The following PPP1CB variants were observed in gnomAD, a reference collection of about 807,000 sequenced individuals.
The protein encoded by PPP1CB is protein phosphatase 1 catalytic subunit beta, also known as serine/threonine-protein phosphatase PP1-beta catalytic subunit.
A neutral mutation model predicts 43.7 loss-of-function variants in PPP1CB; 2 were observed. The observed-to-expected ratio is 0.05, with a 90% CI of 0.02 to 0.14. The LOEUF is 0.14. PPP1CB is among the 10% of genes least tolerant of loss of function. PPP1CB has a pLI of 1.00. For missense variants in PPP1CB, 84 were observed against 398.0 expected (o/e 0.21, Z 6.71); for synonymous variants, 136 against 135.6 (o/e 1.00, Z -0.02).
At chr2:28,788,403 A>AT (rs2148056645) in intron 5 of PPP1CB, among the ~76,000 whole-genome samples, 1 of 152,358 alleles carries the variant, frequency 6.6e-6, no homozygotes, top group Admixed American at 6.5e-5. Flanking sequence ...TGTAAGTGCC[A>AT]TGCACATATT....
In PPP1CB at chr2:28,801,911, A is replaced by G. The variant is rs916084565; in HGVS notation, c.*2608A>G. ...AACATGCATTGCTTTAATTTTGCCC[A>G]GGGACAAATTTTAATAATCAGCAAG... On this transcript the variant is annotated 3_prime_UTR_variant, in exon 8 of 8. Transcript: ENST00000395366. 6.6e-6 allele frequency: 1 copy of G among 152,222 alleles called. No individual in the cohort carries two copies. The highest frequency in any genetic ancestry group is 2.4e-5 in the African/African-American group (1 of 41,468). 9.4% of individuals were successfully genotyped at this position (152,222 alleles called of 1,614,324 possible).
At chr2:28,779,992 C>T (rs914224223) in intron 3 of PPP1CB, among the ~76,000 whole-genome samples, 1 of 151,924 alleles carries the variant, frequency 6.6e-6, no homozygotes, top group African/African-American at 2.4e-5. Flanking sequence ...CTAGCTGGGA[C>T]TGTATGTCCT....
At chr2:28,754,744 T>C (rs1666443499) in intron 1 of PPP1CB, among the ~76,000 whole-genome samples, 1 of 152,206 alleles carries the variant, frequency 6.6e-6, no homozygotes, top group South Asian at 2.1e-4. Flanking sequence ...TTCAGTGATA[T>C]TAGATGCTAG....
chr2:28,784,931 A>AAAAG (rs1553311210), intron 5 of PPP1CB, among the ~76,000 whole-genome samples: 19 of 119,376 alleles, frequency 1.6e-4, no homozygotes, highest in African/African-American at 4.6e-4. Flanking sequence ...AAAAAAAAAA[A>AAAAG]AAAGAAAAAA....
At chr2:28,762,280 G>C (rs965590282) in intron 1 of PPP1CB, among the ~76,000 whole-genome samples, 2 of 128,860 alleles carry the variant, frequency 1.6e-5, no homozygotes, top group Admixed American at 7.5e-5. Context: ...GTGAGACTGT[G>C]TCTCTAAATA....
At chr2:28,796,991 G>A (rs866984888) in intron 7 of PPP1CB, among the ~76,000 whole-genome samples, 16 of 152,098 alleles carry the variant, frequency 1.1e-4, no homozygotes, top group Non-Finnish European at 1.0e-4. Flanking sequence ...TAACATGAAA[G>A]GGTGTTGAAT....
At chr2:28,760,543 G>C (rs888733411) in intron 1 of PPP1CB, among the ~76,000 whole-genome samples, 2 of 152,126 alleles carry the variant, frequency 1.3e-5, no homozygotes, top group African/African-American at 4.8e-5. Flanking sequence ...TGTGATGTTT[G>C]CACAACAACA....
At chr2:28,772,002 G>A (rs1207484418) in intron 1 of PPP1CB, among the ~76,000 whole-genome samples, 3 of 151,502 alleles carry the variant, frequency 2.0e-5, no homozygotes, top group Admixed American at 6.6e-5. Flanking sequence ...ATAACCTAAA[G>A]GGTCTATTAG....
At chr2:28,760,952 G>T (rs934119652) in intron 1 of PPP1CB, among the ~76,000 whole-genome samples, 10 of 152,186 alleles carry the variant, frequency 6.6e-5, no homozygotes, top group African/African-American at 2.2e-4. Flanking sequence ...CCAGGCTGGA[G>T]TGCAGTGGTG....
At chr2:28,770,007 A>C (rs1295430002) in intron 1 of PPP1CB, among the ~76,000 whole-genome samples, 1 of 152,104 alleles carries the variant, frequency 6.6e-6, no homozygotes, top group Non-Finnish European at 1.5e-5. Context: ...CGTGGCTCAC[A>C]CCTGTAATCC....
Position 28,752,529 on chromosome 2 carries a change from G to C in PPP1CB, c.52+353G>C, listed in dbSNP as rs181414460. On this transcript the variant is annotated intron_variant, in intron 1 of 7. Transcript: ENST00000395366. ...GCTCGCCTCCGGTGACCCGAGGATG[G>C]GGAGAGGATGCCTGCCACTGGGCTT... Among the ~76,000 whole-genome samples the C allele has an allele frequency of 8.5e-4, 130 of 152,318 alleles. 1 individual carries two copies. Among genetic ancestry groups the C allele is most frequent in the African/African-American group, 2.9e-3 (122 of 41,588 alleles).
intron 6 of PPP1CB, 102 bp from the exon 7 acceptor site, chr2:28,793,761 G>A: frequency 7.8e-7 from 1 of 1,285,762 alleles, no homozygotes; most frequent in Non-Finnish European, 1.1e-6. Context: ...TGGTTTGGGG[G>A]TGAGGTGGGG....
intron 1 of PPP1CB, among the ~76,000 whole-genome samples, chr2:28,765,168 T>TA (rs757720750): frequency 2.6e-5 from 4 of 152,120 alleles, no homozygotes; most frequent in Non-Finnish European, 5.9e-5. Context: ...AAATGTGAAA[T>TA]ATAATGGTTG....
chr2:28,751,999 G>A lies in PPP1CB; in HGVS notation c.-126G>A, dbSNP rs2148449100. 1 of 886,060 alleles carries A rather than the reference G, an allele frequency of 1.1e-6. No individual in the cohort carries two copies. Among genetic ancestry groups the A allele is most frequent in the South Asian group, 1.4e-5 (1 of 70,894 alleles). 54.9% of individuals were successfully genotyped at this position (886,060 alleles called of 1,614,324 possible). ...GTGGGGGGAGGGCCCGGGAAAAGGG[G>A]GAGTTGGAGCCGGGGTCGAAACGCC... On this transcript the variant is annotated 5_prime_UTR_variant, in exon 1 of 8. Transcript: ENST00000395366.
chr2:28,759,911 G>A (rs1365033034), intron 1 of PPP1CB, among the ~76,000 whole-genome samples: 3 of 151,300 alleles, frequency 2.0e-5, no homozygotes, highest in Non-Finnish European at 4.4e-5. Flanking sequence ...GAGTCACTAC[G>A]CAGGGCCCTG....
At chr2:28,764,460 A>C (rs1171887445) in intron 1 of PPP1CB, among the ~76,000 whole-genome samples, 1 of 127,152 alleles carries the variant, frequency 7.9e-6, no homozygotes, top group African/African-American at 3.9e-5. Context: ...ACTCCATCTC[A>C]AAAAAAAAAA....
intron 5 of PPP1CB, among the ~76,000 whole-genome samples, chr2:28,786,470 C>T (rs1322653036): frequency 2.0e-5 from 3 of 152,044 alleles, no homozygotes; most frequent in Non-Finnish European, 4.4e-5. Flanking sequence ...TTGTTGCTAC[C>T]ATTATTTGAT....
rs191475264 is a variant in PPP1CB, at chr2:28,802,058, A to C, written c.*2755A>C. On this transcript the variant is annotated 3_prime_UTR_variant, in exon 8 of 8. Coordinates refer to ENST00000395366, the MANE Select transcript of PPP1CB (RefSeq NM_002709.3). ...AAACATTCGTGAAATGATTTTTTTT[A>C]GCTGAAAAATGCTGGCAAGAAGAAT... The C allele has an allele frequency of 1.1e-4, 17 of 152,250 alleles. No homozygotes were observed. The highest frequency in any genetic ancestry group is 2.2e-4 in the Non-Finnish European group (15 of 67,996). 9.4% of individuals were successfully genotyped at this position (152,250 alleles called of 1,614,324 possible). A position where few individuals can be genotyped will look rare whatever the true frequency, so the allele number is the denominator to read the frequency against.
intron 1 of PPP1CB, among the ~76,000 whole-genome samples, chr2:28,776,037 G>A (rs1667032727): frequency 6.6e-6 from 1 of 151,988 alleles, no homozygotes; most frequent in Admixed American, 6.6e-5. Context: ...GATAGGAGTT[G>A]CTAAAATTTT....
Sources: gnomAD v4.1 joint callset for allele counts (sites outside exome capture counted in the v4.1 genomes callset) on GRCh38, gnomAD v4.1.1 for gene constraint, MANE v1.5 for transcripts, NCBI Gene and HGNC (gene_info 2026-07-23, HGNC 2026-07-21) for gene names.